Variants in ANKRD12 observed in about 807,000 individuals in gnomAD.
ANKRD12 encodes ankyrin repeat domain 12.
In ANKRD12, 85 loss-of-function variants were observed where a neutral mutation model predicts 183.4. The ratio of observed to expected loss-of-function variants is 0.46; its 90% CI spans 0.39 to 0.56. The LOEUF is 0.56. ANKRD12 is among the 20% of genes least tolerant of loss of function. ANKRD12 has a pLI of 0.00. For missense variants in ANKRD12, 2,405 were observed against 2,357.1 expected (o/e 1.02, Z -0.42); for synonymous variants, 914 against 800.2 (o/e 1.14, Z -2.40).
At chr18:9,235,368 C>G (rs1337086660) in intron 8 of ANKRD12, among the ~76,000 whole-genome samples, 2 of 152,052 alleles carry the variant, frequency 1.3e-5, no homozygotes, top group African/African-American at 4.8e-5. Context: ...ATTTATCTTG[C>G]CTTCGTTATA....
chr18:9,211,903 CTT>C (rs1448581927), intron 6 of ANKRD12, 119 bp downstream of exon 6: 5 of 875,970 alleles, frequency 5.7e-6, no homozygotes, highest in Non-Finnish European at 8.5e-6. Flanking sequence ...TAAAAATACT[CTT>C]TATTACAAAA....
chr18:9,151,686 A>G (rs1008290427), intron 1 of ANKRD12, among the ~76,000 whole-genome samples: 12 of 152,226 alleles, frequency 7.9e-5, no homozygotes, highest in African/African-American at 2.9e-4. Flanking sequence ...TCAATTTCGA[A>G]GAAAGCGTTT....
chr18:9,147,746 C>T (rs2078541425), intron 1 of ANKRD12, among the ~76,000 whole-genome samples: 1 of 152,106 alleles, frequency 6.6e-6, no homozygotes, highest in South Asian at 2.1e-4. Context: ...CAGAACAAAA[C>T]TAATAAAGTA....
rs1352295421 is a variant in ANKRD12 at position 9,254,443 on chromosome 18, A to G, written c.1176A>G (p.Glu392=). 4 of 1,576,636 alleles carry G rather than the reference A, an allele frequency of 2.5e-6. No individual in the cohort carries two copies. The highest frequency in any genetic ancestry group is 3.4e-6 in the Non-Finnish European group (4 of 1,166,970). ...RKEQRKENEP[E]AEKTHLFAKQ... ...AACAACGAAAAGAAAATGAACCTGA[A>G]GCAGAAAAAACTCATTTATTTGCAA... Residue 392 remains glutamate (E), a synonymous_variant, in exon 9 of 13, where the codon GAA becomes GAG. Transcript: ENST00000262126.
chr18:9,194,554 A>T (rs2034656935), intron 2 of ANKRD12, among the ~76,000 whole-genome samples: 1 of 151,850 alleles, frequency 6.6e-6, no homozygotes, highest in Non-Finnish European at 1.5e-5. Flanking sequence ...ACAGGATTTC[A>T]CCATATTGGC....
chr18:9,174,699 C>CA (rs2033086380), intron 1 of ANKRD12, among the ~76,000 whole-genome samples: 1 of 152,184 alleles, frequency 6.6e-6, no homozygotes. Flanking sequence ...TAATCAGTCC[C>CA]AGTGTGAGAA....
At chr18:9,155,677 G>T (rs1333025508) in intron 1 of ANKRD12, among the ~76,000 whole-genome samples, 2 of 152,106 alleles carry the variant, frequency 1.3e-5, no homozygotes, top group African/African-American at 4.8e-5. Context: ...TTATTTTATA[G>T]TTTCAAAACT....
chr18:9,182,467 G>C lies in ANKRD12; in HGVS notation c.35G>C (p.Ser12Thr), dbSNP rs1448884208. The C allele has an allele frequency of 6.2e-7, 1 of 1,611,744 alleles. No homozygotes were observed. Among genetic ancestry groups the C allele is most frequent in the South Asian group, 1.1e-5 (1 of 90,844 alleles). The change falls in exon 2 of 13, where the codon AGT (serine) becomes ACT (threonine). Residue 12 changes from serine to threonine, a missense_variant. By Grantham distance (58) the Ser-to-Thr change is moderately conservative. Transcript: ENST00000262126. ...PKSGFTKPIQ[S>T]ENSDSDSNMV... ...TCTGGGTTCACAAAACCAATTCAGA[G>C]TGAAAATTCTGACAGTGACAGCAAT...
chr18:9,157,559 G>GTGTGTGTGTA (rs1568231160), intron 1 of ANKRD12, among the ~76,000 whole-genome samples: 1 of 107,082 alleles, frequency 9.3e-6, no homozygotes, highest in African/African-American at 4.9e-5. Flanking sequence ...GGGTGTGTGT[G>GTGTGTGTGTA]TGTGTGTGTG....
Position 9,256,929 on chromosome 18 carries a change from C to A in ANKRD12, c.3662C>A (p.Thr1221Lys). The A allele has an allele frequency of 6.2e-7, 1 of 1,614,058 alleles. No individual in the cohort carries two copies. Among genetic ancestry groups the A allele is most frequent in the Non-Finnish European group, 8.5e-7 (1 of 1,179,986 alleles). The change falls in exon 9 of 13, where the codon ACA becomes AAA. Residue 1221 changes from threonine (T) to lysine (K), a missense_variant. Coordinates refer to ENST00000262126, the MANE Select transcript of ANKRD12 (RefSeq NM_015208.5). ...SSEDSCHTTV[T>K]TPRPPVEYDS... ...GAAGATTCCTGCCATACTACAGTGACAACCCCAAGGCCTCCAGTTGAGTAT... is the reference window on the plus strand; with the variant it reads ...GAAGATTCCTGCCATACTACAGTGAAAACCCCAAGGCCTCCAGTTGAGTAT...
chr18:9,249,296 TATAAC>T (rs1335519074), intron 8 of ANKRD12, among the ~76,000 whole-genome samples: 1 of 152,166 alleles, frequency 6.6e-6, no homozygotes, highest in Non-Finnish European at 1.5e-5. Context: ...CCGAACATAA[TATAAC>T]ATATAAAAGT....
intron 8 of ANKRD12, among the ~76,000 whole-genome samples, chr18:9,240,310 C>T (rs898393998): frequency 3.9e-5 from 6 of 152,038 alleles, no homozygotes; most frequent in Non-Finnish European, 7.4e-5. Flanking sequence ...CTTTTTTCCC[C>T]TAACTTCTGC....
intron 1 of ANKRD12, among the ~76,000 whole-genome samples, chr18:9,147,674 G>A (rs2078538589): frequency 6.6e-6 from 1 of 152,152 alleles, no homozygotes; most frequent in Admixed American, 6.5e-5. Flanking sequence ...TAAGATTTAT[G>A]TATGTAGTAG....
At chr18:9,277,453 G>T (rs547112363) in intron 11 of ANKRD12, among the ~76,000 whole-genome samples, 1 of 148,784 alleles carries the variant, frequency 6.7e-6, no homozygotes, top group Non-Finnish European at 1.5e-5. Context: ...TCAGCCTCCC[G>T]AGTAGCTGGG....
intron 10 of ANKRD12, among the ~76,000 whole-genome samples, chr18:9,274,684 ATAATT>A (rs2039751001): frequency 6.6e-6 from 1 of 152,184 alleles, no homozygotes; most frequent in African/African-American, 2.4e-5. Flanking sequence ...ACTTGGAAAA[ATAATT>A]TAAAAATAGA....
At chr18:9,197,558 A>T (rs1472526294) in intron 3 of ANKRD12, among the ~76,000 whole-genome samples, 1 of 104,344 alleles carries the variant, frequency 9.6e-6, no homozygotes, top group Non-Finnish European at 2.2e-5. Flanking sequence ...TAACATAAAC[A>T]GTCAATTAAC....
chr18:9,227,155 C>G (rs941308583), intron 8 of ANKRD12, among the ~76,000 whole-genome samples: 3 of 151,856 alleles, frequency 2.0e-5, no homozygotes, highest in African/African-American at 4.8e-5. Flanking sequence ...TTAATTTACA[C>G]TCATATACTT....
At chr18:9,144,661 A>C (rs1391118648) in intron 1 of ANKRD12, among the ~76,000 whole-genome samples, 11 of 152,182 alleles carry the variant, frequency 7.2e-5, no homozygotes, top group African/African-American at 2.7e-4. Flanking sequence ...TACTTGCAAA[A>C]ATCTTAACGA....
At chr18:9,248,381 C>T (rs1598686697) in intron 8 of ANKRD12, among the ~76,000 whole-genome samples, 1 of 152,162 alleles carries the variant, frequency 6.6e-6, no homozygotes, top group Non-Finnish European at 1.5e-5. Context: ...AATTTTAAAA[C>T]CTTATTTTTC....
Sources: allele counts gnomAD v4.1 joint callset (sites outside exome capture counted in the v4.1 genomes callset), GRCh38; gene constraint gnomAD v4.1.1; transcripts MANE v1.5; gene names NCBI Gene and HGNC (gene_info 2026-07-23, HGNC 2026-07-21).